ZFYVE28: variants seen among roughly 807,000 people sequenced by gnomAD.
The protein encoded by ZFYVE28 is zinc finger FYVE-type containing 28, also known as lateral signaling target protein 2 homolog.
ZFYVE28 carries 40 observed loss-of-function variants against 82.1 expected under a neutral mutation model. That is an observed-to-expected ratio of 0.49 (90% CI 0.38 to 0.63). ZFYVE28 has a LOEUF of 0.63. Among genes scored for constraint, ZFYVE28 ranks in the 30% least tolerant of loss-of-function variants. ZFYVE28 has a pLI of 0.00. For synonymous variants in ZFYVE28, 612 were observed against 546.1 expected (o/e 1.12, Z -1.68); for missense variants, 1,321 against 1,242.1 (o/e 1.06, Z -0.96).
In ZFYVE28 at chr4:2,362,995, T is replaced by C. The variant is rs1372184896; in HGVS notation, c.40-8922A>G. Among the ~76,000 whole-genome samples the C allele has an allele frequency of 6.9e-6, 1 of 145,944 alleles. No individual in the cohort carries two copies. Among genetic ancestry groups the C allele is most frequent in the Non-Finnish European group, 1.5e-5 (1 of 65,316 alleles). On this transcript the variant is annotated intron_variant, in intron 1 of 12. Transcript: ENST00000290974. The surrounding 1 kb of genome is among the most constrained non-coding windows in gnomAD (Gnocchi z 5.1). ...GCACCAAGCCCTGGGCTCATCACCA[T>C]CCCCGTGGTCCCCTCAACCCCATTA...
chr4:2,273,636 C>T (rs963050248), intron 9 of ZFYVE28, among the ~76,000 whole-genome samples: 12 of 152,130 alleles, frequency 7.9e-5, no homozygotes, highest in African/African-American at 2.7e-4. Flanking sequence ...CTGCACTGTG[C>T]CCACCCCCAG....
At chr4:2,351,574 C>T (rs1293138561) in intron 2 of ZFYVE28, among the ~76,000 whole-genome samples, 3 of 152,124 alleles carry the variant, frequency 2.0e-5, no homozygotes, top group East Asian at 1.9e-4. Context: ...ATTAGCAGGG[C>T]ATGGTGGCGC....
Position 2,305,313 on chromosome 4 carries a change from C to T in ZFYVE28, c.1027G>A (p.Glu343Lys). The T allele has an allele frequency of 6.2e-7, 1 of 1,613,200 alleles. No individual in the cohort carries two copies. Among genetic ancestry groups the T allele is most frequent in the Non-Finnish European group, 8.5e-7 (1 of 1,180,040 alleles). The change falls in exon 8 of 13, where the codon GAG becomes AAG. Residue 343 changes from glutamate to lysine, a missense_variant. Glu to Lys is a moderately conservative substitution (Grantham distance 56). Transcript: ENST00000290974. ...CSMQYDDQEL[E>K]QLSRMVHRAG... ...CTGTGGACCATGCGGCTGAGCTGCT[C>T]CAGCTCCTGGTCGTCGTACTGCATG... is the stretch of plus-strand genomic sequence containing the variant.
chr4:2,292,380 G>A (rs1713860144), intron 8 of ZFYVE28, among the ~76,000 whole-genome samples: 1 of 152,298 alleles, frequency 6.6e-6, no homozygotes, highest in South Asian at 2.1e-4. Flanking sequence ...ATAGGGCAAC[G>A]CTAGGTCGAG....
intron 1 of ZFYVE28, among the ~76,000 whole-genome samples, chr4:2,376,518 G>A (rs1387631892): frequency 2.0e-5 from 3 of 152,120 alleles, no homozygotes; most frequent in Non-Finnish European, 4.4e-5. Flanking sequence ...TGGCTGGGGA[G>A]GCCTCAGGGA....
At chr4:2,368,379 G>T (rs1727143629) in intron 1 of ZFYVE28, among the ~76,000 whole-genome samples, 1 of 151,310 alleles carries the variant, frequency 6.6e-6, no homozygotes. Context: ...TCCAGCCTGG[G>T]TGACAGCGTG....
chr4:2,377,273 G>A (rs1484674813), intron 1 of ZFYVE28, among the ~76,000 whole-genome samples: 2 of 150,190 alleles, frequency 1.3e-5, no homozygotes, highest in Admixed American at 6.6e-5. Flanking sequence ...CGCCCGCCTC[G>A]GCCTCCCAAA....
chr4:2,346,851 A>C (rs892986038), intron 2 of ZFYVE28, among the ~76,000 whole-genome samples: 1 of 152,168 alleles, frequency 6.6e-6, no homozygotes, highest in Non-Finnish European at 1.5e-5. Flanking sequence ...AATAAAAAAG[A>C]AGGAAAAAAA....
At chr4:2,291,264 GGGA>G (rs762077284) in intron 8 of ZFYVE28, among the ~76,000 whole-genome samples, 23 of 152,360 alleles carry the variant, frequency 1.5e-4, no homozygotes, top group Admixed American at 1.2e-3. Flanking sequence ...CAGTGAAGGT[GGGA>G]GGAGATGCTT....
chr4:2,288,402 A>C (rs1009176199), intron 8 of ZFYVE28, among the ~76,000 whole-genome samples: 2 of 152,228 alleles, frequency 1.3e-5, no homozygotes, highest in Non-Finnish European at 2.9e-5. Context: ...CCTGCTACAC[A>C]GTGGGGGAGC....
chr4:2,397,718 C>T (rs1730632587), intron 1 of ZFYVE28, among the ~76,000 whole-genome samples: 1 of 152,146 alleles, frequency 6.6e-6, no homozygotes, highest in Non-Finnish European at 1.5e-5. Context: ...AGTGTCCTCA[C>T]GGGTCATCCA....
chr4:2,401,137 C>T (rs1731129515), intron 1 of ZFYVE28, among the ~76,000 whole-genome samples: 1 of 152,200 alleles, frequency 6.6e-6, no homozygotes, highest in Non-Finnish European at 1.5e-5. Flanking sequence ...ACGAGCCTCT[C>T]CCCAGTTCCC....
chr4:2,414,319 C>T (rs1394316065), intron 1 of ZFYVE28, among the ~76,000 whole-genome samples: 2 of 152,270 alleles, frequency 1.3e-5, no homozygotes, highest in African/African-American at 4.8e-5. Flanking sequence ...CTTTACCAAA[C>T]CCAAAGGGGT....
chr4:2,329,243 T>C (rs1266509246), intron 6 of ZFYVE28: 3 of 496,492 alleles, frequency 6.0e-6, no homozygotes, highest in Non-Finnish European at 7.3e-6. Context: ...AGTCTTCCCA[T>C]CCATGAACAT....
In ZFYVE28 at chr4:2,274,552, C is replaced by T. The variant is rs554873611; in HGVS notation, c.2052-336G>A. Among the ~76,000 whole-genome samples the T allele has an allele frequency of 4.6e-5, 7 of 152,224 alleles. No homozygotes were observed. The South Asian group carries it at 1.5e-3, about 32-fold the overall frequency. ...CGACCGACTGCCCCTATGGAAGCGT[C>T]AACTCACCTTTCACACCATTTCTAA... On this transcript the variant is annotated intron_variant, in intron 8 of 12. Coordinates refer to ENST00000290974, the MANE Select transcript of ZFYVE28 (RefSeq NM_020972.3).
intron 6 of ZFYVE28, among the ~76,000 whole-genome samples, chr4:2,327,678 C>T (rs1233391753): frequency 6.6e-6 from 1 of 152,042 alleles, no homozygotes; most frequent in Non-Finnish European, 1.5e-5. Flanking sequence ...AATGCTTTTT[C>T]TGCATCTAAT....
chr4:2,351,681 T>C (rs1724475836), intron 2 of ZFYVE28, among the ~76,000 whole-genome samples: 1 of 152,150 alleles, frequency 6.6e-6, no homozygotes. Flanking sequence ...ATGACTGCAC[T>C]CCAGCCTGGG....
At chr4:2,319,686 G>A (rs1364319314) in intron 7 of ZFYVE28, among the ~76,000 whole-genome samples, 1 of 152,194 alleles carries the variant, frequency 6.6e-6, no homozygotes, top group Non-Finnish European at 1.5e-5. Flanking sequence ...ATGAAGGAAA[G>A]GCGTCGTGTT....
rs758366769 is a variant in ZFYVE28, at chr4:2,270,736, C to T, written c.2653G>A (p.Ala885Thr). The T allele has an allele frequency of 2.5e-6, 4 of 1,613,150 alleles. No individual in the cohort carries two copies. The Admixed American group carries it at 6.7e-5, about 27-fold the overall frequency. ...CCCCTGGCACCACGTCACAGGCCGG[C>T]CTTGTCGCTGTAGAAGGGCGTGACA... ...FHVTPFYSDK[A>T]GL Residue 885 changes from alanine (A) to threonine (T), a missense_variant, in exon 13 of 13, where the codon GCC becomes ACC. By Grantham distance (58) the Ala-to-Thr change is moderately conservative. Transcript: ENST00000290974.
Sources: gnomAD v4.1 joint callset for allele counts (sites outside exome capture counted in the v4.1 genomes callset) on GRCh38, gnomAD v4.1.1 for gene constraint, Gnocchi (gnomAD v3.1) non-coding constraint, MANE v1.5 for transcripts, NCBI Gene and HGNC (gene_info 2026-07-23, HGNC 2026-07-21) for gene names.